The following CELSR1 variants were observed in gnomAD, a reference collection of about 807,000 sequenced individuals.
CELSR1 encodes the protein cadherin EGF LAG seven-pass G-type receptor 1.
CELSR1 carries 110 observed loss-of-function variants against 249.1 expected under a neutral mutation model. The observed-to-expected ratio is 0.44, with a 90% CI of 0.38 to 0.52. The LOEUF is 0.52. CELSR1 is among the 20% of genes least tolerant of loss of function. The pLI, the probability that CELSR1 is intolerant of heterozygous loss-of-function variation, is 0.00. For synonymous variants in CELSR1, 2,113 were observed against 1,900.0 expected (o/e 1.11, Z -2.92); for missense variants, 4,109 against 4,296.4 (o/e 0.96, Z 1.22).
At chr22:46,397,063 C>G (rs2079155765) in intron 12 of CELSR1, among the ~76,000 whole-genome samples, 1 of 152,062 alleles carries the variant, frequency 6.6e-6, no homozygotes, top group Admixed American at 6.6e-5. Flanking sequence ...TGAGGCCACC[C>G]TGAATGGAGG....
intron 30 of CELSR1, 69 bp downstream of exon 30, chr22:46,366,317 T>G (rs73889254): frequency 0.39 from 407,648 of 1,050,738 alleles, 80,467 homozygotes; most frequent in African/African-American, 0.86. Context: ...GGACACAGGT[T>G]GGGGTGGCAG....
At chr22:46,499,557 G>A (rs1453701460) in intron 1 of CELSR1, among the ~76,000 whole-genome samples, 2 of 152,164 alleles carry the variant, frequency 1.3e-5, no homozygotes, top group Admixed American at 1.3e-4. Context: ...CCATCCAATT[G>A]TATATATCTA....
In CELSR1 at chr22:46,393,611, G is replaced by A. The variant is rs1307024180; in HGVS notation, c.5964+531C>T. On this transcript the variant is annotated intron_variant, in intron 14 of 34. Coordinates refer to ENST00000674500, the MANE Select transcript of CELSR1 (RefSeq NM_001378328.1). This position sits in a 1 kb window ranked among gnomAD's most constrained non-coding sequence, Gnocchi z 4.1. ...AAATTAGCTGGGCATGGTGGTGGGC[G>A]CCTATAATCCCAGCTACTCAGGAGG... Among the ~76,000 whole-genome samples the A allele has an allele frequency of 2.0e-5, 3 of 152,040 alleles. No individual in the cohort carries two copies. The highest frequency in any genetic ancestry group is 4.4e-5 in the Non-Finnish European group (3 of 68,018).
rs2079081574 is a variant in CELSR1 at position 46,390,777 on chromosome 22, TC to T, written c.6251-292del. 6.6e-6 allele frequency among the ~76,000 whole-genome samples: 1 copy of T among 152,108 alleles called. No individual in the cohort carries two copies. The highest frequency in any genetic ancestry group is 1.5e-5 in the Non-Finnish European group (1 of 68,022). On this transcript the variant is annotated intron_variant, in intron 16 of 34. Coordinates refer to ENST00000674500, the MANE Select transcript of CELSR1 (RefSeq NM_001378328.1). This position sits in a 1 kb window ranked among gnomAD's most constrained non-coding sequence, Gnocchi z 6.3. ...CAACACCATCTGCCGGCAGCCACGATCCCATGCACCAGGAATCCATTTCGGC... is the reference window on the plus strand; with the variant it reads ...CAACACCATCTGCCGGCAGCCACGATCCATGCACCAGGAATCCATTTCGGC...
chr22:46,387,074 T>C (rs1269285741), intron 18 of CELSR1, among the ~76,000 whole-genome samples: 2 of 152,102 alleles, frequency 1.3e-5, no homozygotes, highest in Non-Finnish European at 2.9e-5. Context: ...CCAAATATTT[T>C]TTCAAAAAGT....
At chr22:46,508,753 T>C (rs1162851029) in intron 1 of CELSR1, among the ~76,000 whole-genome samples, 1 of 152,170 alleles carries the variant, frequency 6.6e-6, no homozygotes, top group African/African-American at 2.4e-5. Context: ...TTAAACAGTT[T>C]ATAAATAACA....
rs1002167554 is a variant in CELSR1, at chr22:46,428,836, C to T, written c.4611+4557G>A. ...CCCAGCGGGCCACACTGCCTGGTGT[C>T]CATGTCAGGCACTACCTCCCCTGCA... is the stretch of plus-strand genomic sequence containing the variant. On this transcript the variant is annotated intron_variant, in intron 5 of 34. Coordinates refer to ENST00000674500, the MANE Select transcript of CELSR1 (RefSeq NM_001378328.1). This position sits in a 1 kb window ranked among gnomAD's most constrained non-coding sequence, Gnocchi z 5.7. 5.3e-5 allele frequency among the ~76,000 whole-genome samples: 8 copies of T among 152,312 alleles called. No homozygotes were observed. The highest frequency in any genetic ancestry group is 3.4e-3 in the Middle Eastern group (1 of 294).
At chr22:46,419,826 C>A (rs529574174) in intron 5 of CELSR1, among the ~76,000 whole-genome samples, 4 of 151,164 alleles carry the variant, frequency 2.6e-5, no homozygotes, top group African/African-American at 9.7e-5. Context: ...TACTCGTGCA[C>A]ATTTACCCAC....
intron 18 of CELSR1, among the ~76,000 whole-genome samples, chr22:46,388,536 G>A (rs76745186): frequency 0.013 from 1,860 of 147,278 alleles, 41 homozygotes; most frequent in African/African-American, 0.043. Flanking sequence ...TGGACTGGAG[G>A]CCCTTTGTGG....
At chr22:46,365,501 G>C (rs1472876808) in intron 31 of CELSR1, 85 bp downstream of exon 31, 2 of 1,539,606 alleles carry the variant, frequency 1.3e-6, no homozygotes, top group African/African-American at 1.4e-5. Context: ...GGCTGCTAGT[G>C]CTTCTTCAGG....
chr22:46,457,055 G>A (rs953511572), intron 2 of CELSR1, among the ~76,000 whole-genome samples: 2 of 152,236 alleles, frequency 1.3e-5, no homozygotes, highest in Admixed American at 1.3e-4. Flanking sequence ...GGGAGCACCC[G>A]ACACTCCCGA....
rs150172815 is a variant in CELSR1, at chr22:46,400,668, T to C, written c.5227-766A>G. Among the ~76,000 whole-genome samples the C allele has an allele frequency of 6.6e-5, 10 of 152,176 alleles. No homozygotes were observed. In the South Asian group the frequency reaches 1.7e-3, roughly 25 times the overall value. On this transcript the variant is annotated intron_variant, in intron 9 of 34. Transcript: ENST00000674500. ...AAATAATAATCATCATTAGACAAAGTTGGCTGGGCGTGGTGGCTCACACCT... is the reference window on the plus strand; with the variant it reads ...AAATAATAATCATCATTAGACAAAGCTGGCTGGGCGTGGTGGCTCACACCT...
chr22:46,435,904 T>C (rs2079654195), intron 4 of CELSR1, among the ~76,000 whole-genome samples: 1 of 151,802 alleles, frequency 6.6e-6, no homozygotes, highest in Non-Finnish European at 1.5e-5. Flanking sequence ...TTTCACCATG[T>C]TGGTCAGGCT....
At chr22:46,386,921 C>A (rs2079040229) in intron 18 of CELSR1, among the ~76,000 whole-genome samples, 1 of 152,114 alleles carries the variant, frequency 6.6e-6, no homozygotes, top group African/African-American at 2.4e-5. Context: ...CCACACCCGG[C>A]TAATTTTTGT....
chr22:46,435,279 A>T (rs112244312), intron 4 of CELSR1, among the ~76,000 whole-genome samples: 29 of 108,398 alleles, frequency 2.7e-4, no homozygotes, highest in African/African-American at 5.7e-4. Flanking sequence ...AAAAAAAAAA[A>T]TTTTTTTTTT....
At position 46,535,694 on chromosome 22, in the gene CELSR1, C is replaced by A; in HGVS notation, c.1477G>T (p.Ala493Ser). ...CCGCTGAGGATGCTGTAGTGAATGG[C>A]CGCGTTCTGGCCCTGGTCCCGGTCC... is the stretch of plus-strand genomic sequence containing the variant. ...ATDRDQGQNA[A>S]IHYSILSGNV... Residue 493 changes from alanine (A) to serine (S), a missense_variant, in exon 1 of 35, where the codon GCC becomes TCC. Transcript: ENST00000674500. The A allele has an allele frequency of 6.2e-7, 1 of 1,612,964 alleles. No homozygotes were observed. The highest frequency in any genetic ancestry group is 8.5e-7 in the Non-Finnish European group (1 of 1,180,016).
chr22:46,491,963 TA>T (rs2080371642), intron 1 of CELSR1, among the ~76,000 whole-genome samples: 1 of 152,194 alleles, frequency 6.6e-6, no homozygotes, highest in African/African-American at 2.4e-5. Flanking sequence ...TATTTTCAGG[TA>T]AGTGATGTCT....
chr22:46,469,998 G>GGAGGA (rs1569186678), intron 1 of CELSR1, among the ~76,000 whole-genome samples: 1 of 128,414 alleles, frequency 7.8e-6, no homozygotes, highest in African/African-American at 2.9e-5. Context: ...GAGGGAGGGA[G>GGAGGA]GGAGAGGCAA....
intron 5 of CELSR1, among the ~76,000 whole-genome samples, chr22:46,431,583 G>A (rs981046462): frequency 6.6e-6 from 1 of 152,226 alleles, no homozygotes; most frequent in Middle Eastern, 3.2e-3. Context: ...CACCACCCCA[G>A]GGGGCATTGA....
Sources: gnomAD v4.1 joint callset for allele counts (sites outside exome capture counted in the v4.1 genomes callset) on GRCh38, gnomAD v4.1.1 for gene constraint, Gnocchi (gnomAD v3.1) non-coding constraint, MANE v1.5 for transcripts, NCBI Gene and HGNC (gene_info 2026-07-23, HGNC 2026-07-21) for gene names.